COL4A1: variants seen among roughly 807,000 people sequenced by gnomAD.
COL4A1 encodes the protein collagen alpha-1(IV) chain.
A neutral mutation model predicts 216.6 loss-of-function variants in COL4A1; 40 were observed. That is an observed-to-expected ratio of 0.18 (90% CI 0.14 to 0.24). The LOEUF is 0.24. Ranked by LOEUF, COL4A1 falls within the 10% of genes least tolerant of loss-of-function variation. The pLI, the probability that COL4A1 is intolerant of heterozygous loss-of-function variation, is 1.00. For missense variants in COL4A1, 1,628 were observed against 2,196.8 expected, an observed-to-expected ratio of 0.74 and a Z score of 5.18; for synonymous variants, 839 against 810.7, an observed-to-expected ratio of 1.03 and a Z score of -0.59.
At chr13:110,210,408 C>G (rs1389786148) in intron 8 of COL4A1, among the ~76,000 whole-genome samples, 196 bp from the exon 9 acceptor site, 1 of 152,114 alleles carries the variant, frequency 6.6e-6, no homozygotes, top group East Asian at 1.9e-4. Flanking sequence ...CCAGCGTTAA[C>G]CACTGCCTGG....
At chr13:110,236,728 A>T (rs1881333310) in intron 2 of COL4A1, among the ~76,000 whole-genome samples, 1 of 152,196 alleles carries the variant, frequency 6.6e-6, no homozygotes, top group South Asian at 2.1e-4. Context: ...CTGTGGGGTG[A>T]CCCAGTGCTC....
Position 110,173,939 on chromosome 13 carries a change from C to A in COL4A1, c.3466G>T (p.Asp1156Tyr), listed in dbSNP as rs1376242131. 1 of 1,614,108 alleles carries A rather than the reference C, an allele frequency of 6.2e-7. No individual in the cohort carries two copies. The highest frequency in any genetic ancestry group is 8.5e-7 in the Non-Finnish European group (1 of 1,180,054). ...TCTCCTGCTGACCCCGGGATTCCAT[C>A]ACTGCCTGGCTCCCCTTTCTGGCCA... ...PAGQKGEPGS[D>Y]GIPGSAGEKG... is the part of the protein sequence containing the mutation. Residue 1156 changes from aspartate to tyrosine, a missense_variant, in exon 40 of 52, where the codon GAT (aspartate) becomes TAT (tyrosine). Around this residue, in one of 8 missense-constraint regions of COL4A1, gnomAD observed 345 missense variants for 476.9 expected, o/e 0.72. Coordinates refer to ENST00000375820, the MANE Select transcript of COL4A1 (RefSeq NM_001845.6).
At chr13:110,192,064 T>G (rs1878652965) in intron 24 of COL4A1, 150 bp downstream of exon 24, 1 of 766,664 alleles carries the variant, frequency 1.3e-6, no homozygotes. Flanking sequence ...AAGGGCCGCA[T>G]GGAGTCACTC....
intron 2 of COL4A1, among the ~76,000 whole-genome samples, chr13:110,239,848 T>C (rs766066109): frequency 1.3e-5 from 2 of 152,218 alleles, no homozygotes; most frequent in Admixed American, 6.5e-5. Flanking sequence ...TCGGAAACCC[T>C]AGCTCAGTGA....
rs755733927 is a variant in COL4A1 at position 110,178,128 on chromosome 13, C to T, written c.2562G>A (p.Thr854=). The T allele has an allele frequency of 3.7e-6, 6 of 1,614,186 alleles. No individual in the cohort carries two copies. Among genetic ancestry groups the T allele is most frequent in the East Asian group, 4.5e-5 (2 of 44,876 alleles). The part of the protein sequence containing the change: ...DKGAQGLPGI[T]GQSGLPGLPG... ...GAAGGCCAGGGAGCCCCGACTGTCC[C>T]GTTATGCCAGGGAGTCCTTGAGCCC... The change falls in exon 32 of 52, where the codon ACG becomes ACA. Residue 854 remains threonine (T), a synonymous_variant. Coordinates refer to ENST00000375820, the MANE Select transcript of COL4A1 (RefSeq NM_001845.6).
intron 18 of COL4A1, 157 bp from the exon 19 acceptor site, chr13:110,201,679 T>A: frequency 1.3e-6 from 1 of 796,074 alleles, no homozygotes; most frequent in Non-Finnish European, 2.2e-6. Flanking sequence ...AGGAAGGGGA[T>A]AAGCCTCTAA....
intron 1 of COL4A1, among the ~76,000 whole-genome samples, chr13:110,243,989 C>G (rs969348420): frequency 6.6e-6 from 1 of 152,156 alleles, no homozygotes; most frequent in Admixed American, 6.5e-5. Flanking sequence ...ATGACAGACA[C>G]AGGTATTGTG....
chr13:110,283,813 G>A (rs1167399562), intron 1 of COL4A1, among the ~76,000 whole-genome samples: 1 of 152,196 alleles, frequency 6.6e-6, no homozygotes, highest in Admixed American at 6.5e-5. Context: ...GCAGCAGTGG[G>A]TGGCATTTGG....
chr13:110,307,102 G>T lies in COL4A1; in HGVS notation c.-75C>A. The T allele has an allele frequency of 8.1e-7, 1 of 1,233,214 alleles. No individual in the cohort carries two copies. The allele number at this position is 1,233,214 out of a possible 1,614,324, so 76.4% of individuals were successfully genotyped here. A position where few individuals can be genotyped will look rare whatever the true frequency, so the allele number is the denominator to read the frequency against. Reference sequence around the variant, plus strand: ...GCGGCGGACAGCTAGCTCTCGGAAGGCCGGACTTCCAGCGCTACGCACCGT... The same window carrying T: ...GCGGCGGACAGCTAGCTCTCGGAAGTCCGGACTTCCAGCGCTACGCACCGT... On this transcript the variant is annotated 5_prime_UTR_variant, in exon 1 of 52. Coordinates refer to ENST00000375820, the MANE Select transcript of COL4A1 (RefSeq NM_001845.6). This position sits in a 1 kb window ranked among gnomAD's most constrained non-coding sequence, Gnocchi z 5.0.
chr13:110,213,901 C>T lies in COL4A1; in HGVS notation c.234+25G>A, dbSNP rs769902480. The T allele has an allele frequency of 4.3e-6, 7 of 1,613,352 alleles. No homozygotes were observed. The Admixed American group carries it at 1.0e-4, about 23-fold the overall frequency. ...ATGCGGGCAATCTTACATCCACCCA[C>T]CCCCAATCCCACAGCCGTGCTTACC... On this transcript the variant is annotated intron_variant, in intron 3 of 51. Transcript: ENST00000375820.
chr13:110,153,556 C>G (rs980507080), intron 50 of COL4A1, among the ~76,000 whole-genome samples: 1 of 152,106 alleles, frequency 6.6e-6, no homozygotes, highest in Non-Finnish European at 1.5e-5. Flanking sequence ...TATGGAGTGG[C>G]GAATCCAATC....
intron 37 of COL4A1, 122 bp downstream of exon 37, chr13:110,175,096 C>T: frequency 1.6e-6 from 2 of 1,281,918 alleles, no homozygotes; most frequent in Non-Finnish European, 2.3e-6. Context: ...CTTGTGCTGC[C>T]TTATGGGACT....
In COL4A1 at chr13:110,155,276, C is replaced by T; in HGVS notation, c.4755+7G>A. 6.2e-7 allele frequency: 1 copy of T among 1,605,838 alleles called. No individual in the cohort carries two copies. Among genetic ancestry groups the T allele is most frequent in the South Asian group, 1.1e-5 (1 of 90,952 alleles). ...CCGGGAAATATGGCGTCTCCCCAGA[C>T]ACTTACCATCACAAAAGAGTAGCCG... On this transcript the variant is annotated splice_region_variant and intron_variant, in intron 50 of 51. Transcript: ENST00000375820.
At position 110,169,574 on chromosome 13, in the gene COL4A1, C is replaced by A. The variant is rs889050045; in HGVS notation, c.3876+55G>T. On this transcript the variant is annotated intron_variant, in intron 43 of 51. Transcript: ENST00000375820. ...ATACACACATAGACACATATGAATA[C>A]TTCTGGCCAGAAAAGACTCCTTTAA... is the stretch of plus-strand genomic sequence containing the variant. 2.1e-5 allele frequency: 34 copies of A among 1,609,328 alleles called. No homozygotes were observed. The African/African-American group carries it at 4.3e-4, about 20-fold the overall frequency.
At chr13:110,159,069 A>G (rs1450291613) in intron 49 of COL4A1, among the ~76,000 whole-genome samples, 1 of 152,192 alleles carries the variant, frequency 6.6e-6, no homozygotes, top group Non-Finnish European at 1.5e-5. Context: ...TTAGAAGGAA[A>G]GAGGCAAAGA....
At chr13:110,219,914 G>T (rs1203583729) in intron 2 of COL4A1, among the ~76,000 whole-genome samples, 1 of 128,494 alleles carries the variant, frequency 7.8e-6, no homozygotes, top group African/African-American at 3.1e-5. Flanking sequence ...ATATATATGT[G>T]TGTATATATA....
chr13:110,298,346 T>C (rs1266913819), intron 1 of COL4A1, among the ~76,000 whole-genome samples: 1 of 152,210 alleles, frequency 6.6e-6, no homozygotes, highest in Non-Finnish European at 1.5e-5. Flanking sequence ...AAGCTAGGAA[T>C]GAGAAATCTT....
intron 1 of COL4A1, among the ~76,000 whole-genome samples, chr13:110,282,272 G>A (rs996692082): frequency 6.6e-6 from 1 of 152,152 alleles, no homozygotes; most frequent in Non-Finnish European, 1.5e-5. Context: ...CAATAAAATG[G>A]GAGTAAGACA....
chr13:110,256,252 G>A lies in COL4A1; in HGVS notation c.85-13518C>T, dbSNP rs769464412. On this transcript the variant is annotated intron_variant, in intron 1 of 51. Coordinates refer to ENST00000375820, the MANE Select transcript of COL4A1 (RefSeq NM_001845.6). ...TGAATAGGGCGTGGTTTCTACCTTC[G>A]GGCATATTCTAGTCCGGGGGGAAAA... Among the ~76,000 whole-genome samples the A allele has an allele frequency of 5.3e-5, 8 of 152,196 alleles. No homozygotes were observed. In the South Asian group the frequency reaches 6.2e-4, roughly 12 times the overall value.
Sources: allele counts gnomAD v4.1 joint callset (sites outside exome capture counted in the v4.1 genomes callset), GRCh38; gene constraint gnomAD v4.1.1; regional missense constraint gnomAD v4.1.1; non-coding constraint Gnocchi (gnomAD v3.1); transcripts MANE v1.5; gene names NCBI Gene and HGNC (gene_info 2026-07-23, HGNC 2026-07-21).